Variants in KLHL32 observed in about 807,000 individuals in gnomAD.
KLHL32 encodes kelch-like protein 32.
In KLHL32, 35 loss-of-function variants were observed where a neutral mutation model predicts 64.8. The ratio of observed to expected loss-of-function variants is 0.54; its 90% CI spans 0.41 to 0.72. The LOEUF (loss-of-function observed/expected upper bound fraction) is 0.72. Among genes scored for constraint, KLHL32 ranks in the 30% least tolerant of loss-of-function variants. The pLI is 0.00. For synonymous variants in KLHL32, 259 were observed against 281.0 expected, an observed-to-expected ratio of 0.92 and a Z score of 0.78; for missense variants, 589 against 768.5, an observed-to-expected ratio of 0.77 and a Z score of 2.76.
At chr6:97,135,520 C>G (rs1799909875) in intron 10 of KLHL32, among the ~76,000 whole-genome samples, 1 of 151,934 alleles carries the variant, frequency 6.6e-6, no homozygotes. Context: ...GCTGGCCAGG[C>G]TGGTCTCAAA....
At chr6:97,101,803 C>A (rs1795760772) in intron 6 of KLHL32, among the ~76,000 whole-genome samples, 1 of 152,190 alleles carries the variant, frequency 6.6e-6, no homozygotes, top group South Asian at 2.1e-4. Flanking sequence ...GTATTTAATA[C>A]TGTATAGCAA....
At chr6:97,067,500 C>T (rs1487009667) in intron 5 of KLHL32, among the ~76,000 whole-genome samples, 1 of 152,112 alleles carries the variant, frequency 6.6e-6, no homozygotes, top group African/African-American at 2.4e-5. Context: ...CAGTACCCTC[C>T]TGAGCAGTCT....
chr6:96,911,442 C>T, the KLHL32 span, among the ~76,000 whole-genome samples: 6 of 152,282 alleles, frequency 3.9e-5, no homozygotes, highest in Non-Finnish European at 8.8e-5. Context: ...CAATAAGCTT[C>T]TCAATCAGCT....
chr6:96,901,513 T>C, the KLHL32 span, among the ~76,000 whole-genome samples: 1 of 152,182 alleles, frequency 6.6e-6, no homozygotes, highest in Non-Finnish European at 1.5e-5. Flanking sequence ...GGATAATCTC[T>C]CCATCTGAAG....
chr6:96,900,025 G>A, the KLHL32 span, among the ~76,000 whole-genome samples: 1 of 152,136 alleles, frequency 6.6e-6, no homozygotes, highest in African/African-American at 2.4e-5. Flanking sequence ...CTAGTACACA[G>A]TAGGTACTAA....
At chr6:96,957,595 C>G (rs1773419809) in intron 1 of KLHL32, among the ~76,000 whole-genome samples, 3 of 151,952 alleles carry the variant, frequency 2.0e-5, no homozygotes, top group South Asian at 4.1e-4. Context: ...TAAAAAGCAC[C>G]TCAGGATGTT....
At chr6:96,972,432 T>A (rs1440025230) in intron 2 of KLHL32, among the ~76,000 whole-genome samples, 1 of 152,180 alleles carries the variant, frequency 6.6e-6, no homozygotes, top group Admixed American at 6.5e-5. Context: ...CACAATACAA[T>A]AGAGTGTTAC....
chr6:97,140,485 G>T lies in KLHL32; in HGVS notation c.*1203G>T, dbSNP rs1800570016. 1 of 151,960 alleles carries T rather than the reference G, an allele frequency of 6.6e-6. No homozygotes were observed. The highest frequency in any genetic ancestry group is 2.4e-5 in the African/African-American group (1 of 41,412). The allele number at this position is 151,960 out of a possible 1,614,324, so 9.4% of individuals were successfully genotyped here. On this transcript the variant is annotated 3_prime_UTR_variant, in exon 11 of 11. Coordinates refer to ENST00000369261, the MANE Select transcript of KLHL32 (RefSeq NM_052904.4). Reference sequence around the variant, plus strand: ...TGCATAGGAATTCTTTTTTAGACTAGTTTTTGGGTTTGCTTTGTCTATAAC... The same window carrying T: ...TGCATAGGAATTCTTTTTTAGACTATTTTTTGGGTTTGCTTTGTCTATAAC...
intron 3 of KLHL32, among the ~76,000 whole-genome samples, chr6:97,036,696 G>A (rs928167490): frequency 1.3e-5 from 2 of 152,214 alleles, no homozygotes; most frequent in African/African-American, 4.8e-5. Flanking sequence ...CTGTCATGGT[G>A]CATGGGGGTG....
upstream of KLHL32, among the ~76,000 whole-genome samples, chr6:96,921,468 G>T (rs1768753098): frequency 6.6e-6 from 1 of 152,222 alleles, no homozygotes; most frequent in Non-Finnish European, 1.5e-5. Flanking sequence ...AGCTAGAGTT[G>T]TTTTGTGTTA....
chr6:96,943,633 G>A lies in KLHL32; in HGVS notation c.-66+18607G>A, dbSNP rs145802423. On this transcript the variant is annotated intron_variant, in intron 1 of 10. Transcript: ENST00000369261. ...AGCCGGGACCAGGACCCAGGTCTCC[G>A]AGGTCTTGTCTTTACTGGTTGCTCT... Among the ~76,000 whole-genome samples the A allele has an allele frequency of 3.0e-3, 454 of 152,330 alleles. 1 individual carries two copies. Among genetic ancestry groups the A allele is most frequent in the Non-Finnish European group, 5.0e-3 (337 of 68,038 alleles).
intron 4 of KLHL32, among the ~76,000 whole-genome samples, chr6:97,047,018 A>G (rs558899120): frequency 6.6e-6 from 1 of 152,312 alleles, no homozygotes; most frequent in African/African-American, 2.4e-5. Context: ...GCTGTCTTGG[A>G]GAGAAATTGG....
intron 1 of KLHL32, among the ~76,000 whole-genome samples, chr6:96,925,464 A>G (rs1241610552): frequency 6.6e-6 from 1 of 152,206 alleles, no homozygotes; most frequent in Non-Finnish European, 1.5e-5. Context: ...ACTATATGGT[A>G]TGCTTTAAAA....
intron 3 of KLHL32, 77 bp from the exon 4 acceptor site, chr6:97,041,415 C>T: frequency 1.1e-6 from 1 of 887,820 alleles, no homozygotes; most frequent in Non-Finnish European, 1.8e-6. Context: ...TTTTTTTCCC[C>T]TAGTCTCTCT....
intron 3 of KLHL32, among the ~76,000 whole-genome samples, chr6:97,011,272 G>A (rs1419014014): frequency 6.6e-6 from 1 of 152,184 alleles, no homozygotes; most frequent in Non-Finnish European, 1.5e-5. Context: ...TGCAAGAGGT[G>A]GTTGCTGAAA....
intron 5 of KLHL32, among the ~76,000 whole-genome samples, chr6:97,077,840 A>G (rs1210929210): frequency 6.6e-6 from 1 of 152,202 alleles, no homozygotes; most frequent in South Asian, 2.1e-4. Flanking sequence ...TCTATGAGAA[A>G]GACATTATGA....
At chr6:96,916,700 A>G in the KLHL32 span, among the ~76,000 whole-genome samples, 2 of 152,160 alleles carry the variant, frequency 1.3e-5, no homozygotes, top group African/African-American at 4.8e-5. Flanking sequence ...GTTAATCTGT[A>G]TTTTGCCCAT....
chr6:96,938,669 A>G (rs1770913390), intron 1 of KLHL32, among the ~76,000 whole-genome samples: 2 of 152,138 alleles, frequency 1.3e-5, no homozygotes, highest in Non-Finnish European at 2.9e-5. Flanking sequence ...CATAGATGGA[A>G]TGGATTTGGA....
the KLHL32 span, among the ~76,000 whole-genome samples, chr6:96,909,460 C>G: frequency 6.6e-6 from 1 of 152,164 alleles, no homozygotes. Context: ...CCCTGCTTAT[C>G]CCACAGTTTT....
Sources: gnomAD v4.1 joint callset for allele counts (sites outside exome capture counted in the v4.1 genomes callset) on GRCh38, gnomAD v4.1.1 for gene constraint, MANE v1.5 for transcripts, NCBI Gene and HGNC (gene_info 2026-07-23, HGNC 2026-07-21) for gene names.